PCDH15: variants seen among roughly 807,000 people sequenced by gnomAD.
PCDH15 encodes the protein protocadherin-15.
PCDH15 carries 129 observed loss-of-function variants against 178.5 expected under a neutral mutation model. The ratio of observed to expected loss-of-function variants is 0.72; its 90% confidence interval spans 0.63 to 0.84. The LOEUF (loss-of-function observed/expected upper bound fraction) is 0.84. Ranked by LOEUF, PCDH15 falls within the 40% of genes least tolerant of loss-of-function variation. The pLI is 0.00. For synonymous variants in PCDH15, 800 were observed against 732.0 expected (o/e 1.09, Z -1.50); for missense variants, 2,230 against 2,099.9 (o/e 1.06, Z -1.21).
intron 2 of PCDH15, among the ~76,000 whole-genome samples, chr10:54,649,385 T>C (rs901536899): frequency 2.0e-5 from 3 of 152,086 alleles, no homozygotes; most frequent in Non-Finnish European, 4.4e-5. Flanking sequence ...AATGCTCTAA[T>C]TTTTCCTGGG....
chr10:54,481,510 G>T (rs1285596702), intron 3 of PCDH15, among the ~76,000 whole-genome samples: 1 of 151,594 alleles, frequency 6.6e-6, no homozygotes, highest in Non-Finnish European at 1.5e-5. Flanking sequence ...ATATTATTAT[G>T]ATTTCATACA....
At chr10:54,493,799 C>T (rs147953073) in intron 3 of PCDH15, among the ~76,000 whole-genome samples, 1,665 of 151,988 alleles carry the variant, frequency 0.011, 34 homozygotes, top group African/African-American at 0.038. Flanking sequence ...ATTTTTATTG[C>T]GGCACTATTC....
At chr10:55,209,725 G>A (rs1840508708) in intron 1 of PCDH15, among the ~76,000 whole-genome samples, 1 of 151,942 alleles carries the variant, frequency 6.6e-6, no homozygotes, top group Non-Finnish European at 1.5e-5. Flanking sequence ...AAGGGGCATG[G>A]GAGAGATTAT....
intron 31 of PCDH15, 104 bp downstream of exon 31, chr10:53,828,461 G>A: frequency 1.0e-6 from 1 of 968,146 alleles, no homozygotes; most frequent in Non-Finnish European, 1.7e-6. Flanking sequence ...CGCAAAACAA[G>A]GGAATAAGAT....
At chr10:54,367,833 A>G (rs1947041757) in intron 5 of PCDH15, among the ~76,000 whole-genome samples, 1 of 151,510 alleles carries the variant, frequency 6.6e-6, no homozygotes, top group African/African-American at 2.4e-5. Context: ...GTGTATATAT[A>G]TACATATATA....
At chr10:54,409,218 C>T (rs1349698074) in intron 3 of PCDH15, among the ~76,000 whole-genome samples, 1 of 152,124 alleles carries the variant, frequency 6.6e-6, no homozygotes, top group Non-Finnish European at 1.5e-5. Context: ...TGTAAATCGT[C>T]CAGTCTCAGG....
At chr10:55,356,300 G>A (rs1434128121) in intron 2 of PCDH15, among the ~76,000 whole-genome samples, 2 of 151,568 alleles carry the variant, frequency 1.3e-5, no homozygotes, top group Non-Finnish European at 3.0e-5. Flanking sequence ...AGAGTGGCAA[G>A]GAAGAACACA....
At chr10:55,329,168 G>A (rs1203620779) in intron 2 of PCDH15, among the ~76,000 whole-genome samples, 1 of 149,272 alleles carries the variant, frequency 6.7e-6, no homozygotes, top group African/African-American at 2.5e-5. Flanking sequence ...AAAATATCTC[G>A]TGAGGACACT....
intron 2 of PCDH15, among the ~76,000 whole-genome samples, chr10:55,433,959 G>A (rs1327094332): frequency 6.6e-6 from 1 of 151,468 alleles, no homozygotes; most frequent in Non-Finnish European, 1.5e-5. Context: ...TTATTTCTGG[G>A]CTCCATAATC....
At chr10:54,921,574 A>G (rs935778270) in intron 2 of PCDH15, among the ~76,000 whole-genome samples, 4 of 152,130 alleles carry the variant, frequency 2.6e-5, no homozygotes, top group Non-Finnish European at 5.9e-5. Context: ...ATAAGTGAGA[A>G]CATATAGTAT....
intron 2 of PCDH15, among the ~76,000 whole-genome samples, chr10:54,928,761 T>G (rs1837691976): frequency 6.6e-6 from 1 of 152,188 alleles, no homozygotes; most frequent in African/African-American, 2.4e-5. Context: ...TTGTAGTGTG[T>G]TTTTCTACTC....
intron 2 of PCDH15, among the ~76,000 whole-genome samples, chr10:55,065,806 T>C (rs973502267): frequency 3.3e-5 from 5 of 152,074 alleles, no homozygotes; most frequent in African/African-American, 4.8e-5. Context: ...CTTTGGCTTG[T>C]CTTTCTCCTT....
intron 10 of PCDH15, among the ~76,000 whole-genome samples, chr10:54,207,378 ATGTGTGTG>A (rs879535806): frequency 8.2e-5 from 1 of 12,180 alleles, no homozygotes; most frequent in East Asian, 0.018. Context: ...GTGTGTGTGT[ATGTGTGTG>A]TGTGTGTGTG....
chr10:53,895,157 AG>A (rs1313242369), intron 26 of PCDH15, among the ~76,000 whole-genome samples: 1 of 152,144 alleles, frequency 6.6e-6, no homozygotes, highest in Non-Finnish European at 1.5e-5. Flanking sequence ...AGCCCCCAGG[AG>A]CCCCCAGGAG....
intron 15 of PCDH15, among the ~76,000 whole-genome samples, chr10:54,096,374 C>T (rs1161660752): frequency 6.6e-6 from 1 of 152,060 alleles, no homozygotes; most frequent in Non-Finnish European, 1.5e-5. Flanking sequence ...AAGCATTATA[C>T]TGCATTAACT....
chr10:54,066,930 A>C, intron 17 of PCDH15, 45 bp from the exon 18 acceptor site: 1 of 1,598,504 alleles, frequency 6.3e-7, no homozygotes, highest in Non-Finnish European at 8.6e-7. Context: ...AGCTATTTTT[A>C]CTTAGAATTC....
chr10:53,920,285 A>G (rs1750568959), intron 25 of PCDH15, among the ~76,000 whole-genome samples: 1 of 152,080 alleles, frequency 6.6e-6, no homozygotes, highest in Non-Finnish European at 1.5e-5. Context: ...AAACATTAGA[A>G]TTGTCTATAA....
chr10:54,380,660 T>TATATATATATATATGCTCC (rs1949077082), intron 3 of PCDH15, among the ~76,000 whole-genome samples: 2 of 63,902 alleles, frequency 3.1e-5, no homozygotes, highest in Non-Finnish European at 6.5e-5. Context: ...TATATATATA[T>TATATATATATATATGCTCC]ATATATATAT....
At chr10:55,598,579 G>C (rs1042121247) in intron 2 of PCDH15, among the ~76,000 whole-genome samples, 7 of 119,136 alleles carry the variant, frequency 5.9e-5, no homozygotes, top group African/African-American at 1.8e-4. Context: ...GTAAACACAA[G>C]TATGCACTAG....
Sources: allele counts gnomAD v4.1 joint callset (sites outside exome capture counted in the v4.1 genomes callset), GRCh38; gene constraint gnomAD v4.1.1; transcripts MANE v1.5; gene names NCBI Gene and HGNC (gene_info 2026-07-23, HGNC 2026-07-21).